EYS: variants seen among roughly 807,000 people sequenced by gnomAD.
The protein encoded by EYS is EGF-like photoreceptor maintenance factor, also known as protein eyes shut homolog.
EYS carries 250 observed loss-of-function variants against 282.1 expected under a neutral mutation model. That is an observed-to-expected ratio of 0.89 (90% CI 0.80 to 0.98). The LOEUF is 0.98. EYS is among the 50% of genes least tolerant of loss of function. The pLI is 0.00. For missense variants in EYS, 4,016 were observed against 3,709.0 expected (o/e 1.08, Z -2.15); for synonymous variants, 1,355 against 1,282.9 (o/e 1.06, Z -1.20).
At chr6:64,795,469 T>C (rs1774326959) in intron 22 of EYS, among the ~76,000 whole-genome samples, 1 of 152,196 alleles carries the variant, frequency 6.6e-6, no homozygotes, top group African/African-American at 2.4e-5. Flanking sequence ...TGTTTCTACA[T>C]ATCATGCCAC....
intron 1 of EYS, among the ~76,000 whole-genome samples, chr6:65,669,960 C>A (rs1198338857): frequency 6.6e-6 from 1 of 151,718 alleles, no homozygotes. Flanking sequence ...TATAGTTAGT[C>A]CTAATAAAAA....
At chr6:64,363,649 G>A (rs1377220517) in intron 29 of EYS, among the ~76,000 whole-genome samples, 2 of 151,786 alleles carry the variant, frequency 1.3e-5, no homozygotes, top group South Asian at 2.1e-4. Flanking sequence ...GTCAATACAC[G>A]TTTACTATTA....
chr6:64,449,651 T>A (rs1238853709), intron 26 of EYS, among the ~76,000 whole-genome samples: 1 of 152,016 alleles, frequency 6.6e-6, no homozygotes, highest in Non-Finnish European at 1.5e-5. Flanking sequence ...GACTAACAGC[T>A]GATCTCTCCA....
chr6:64,895,881 A>G (rs1659428115), intron 18 of EYS, among the ~76,000 whole-genome samples: 1 of 152,156 alleles, frequency 6.6e-6, no homozygotes, highest in African/African-American at 2.4e-5. Context: ...TTAAAAGGAA[A>G]TATAGGGAAA....
chr6:64,093,834 G>C (rs1030405720), intron 31 of EYS, among the ~76,000 whole-genome samples: 1 of 152,150 alleles, frequency 6.6e-6, no homozygotes, highest in Non-Finnish European at 1.5e-5. Context: ...TCTTGTGCCG[G>C]TTTTCAAAGG....
intron 28 of EYS, among the ~76,000 whole-genome samples, chr6:64,419,451 G>T (rs899774038): frequency 6.6e-6 from 1 of 152,116 alleles, no homozygotes; most frequent in Non-Finnish European, 1.5e-5. Context: ...GTCCCTCAAA[G>T]TCTTAGCTCA....
At chr6:64,051,835 A>G (rs1392356108) in intron 33 of EYS, among the ~76,000 whole-genome samples, 1 of 152,126 alleles carries the variant, frequency 6.6e-6, no homozygotes, top group African/African-American at 2.4e-5. Flanking sequence ...TTTATATATA[A>G]TAGGAAGTAA....
intron 8 of EYS, among the ~76,000 whole-genome samples, chr6:65,363,932 G>T (rs900348200): frequency 6.6e-6 from 1 of 151,280 alleles, no homozygotes; most frequent in African/African-American, 2.4e-5. Flanking sequence ...TCTTGCATTT[G>T]ATTTTCTCTA....
intron 5 of EYS, among the ~76,000 whole-genome samples, chr6:65,413,869 A>C (rs1767125649): frequency 6.6e-6 from 1 of 152,046 alleles, no homozygotes; most frequent in Non-Finnish European, 1.5e-5. Flanking sequence ...AAAAAAAGGA[A>C]TAATGTGAAC....
At chr6:65,325,831 T>A (rs1378882613) in intron 11 of EYS, among the ~76,000 whole-genome samples, 1 of 152,154 alleles carries the variant, frequency 6.6e-6, no homozygotes, top group Non-Finnish European at 1.5e-5. Context: ...CTTATTTCAA[T>A]CTTTCACTTG....
chr6:64,983,645 G>A (rs184830353), intron 14 of EYS, among the ~76,000 whole-genome samples: 228 of 151,474 alleles, frequency 1.5e-3, no homozygotes, highest in African/African-American at 5.2e-3. Context: ...TGTTGTACTA[G>A]TATGTGTTAA....
chr6:65,494,114 T>C (rs1306158723), intron 4 of EYS, among the ~76,000 whole-genome samples: 2 of 152,222 alleles, frequency 1.3e-5, no homozygotes, highest in East Asian at 3.9e-4. Flanking sequence ...AATATAGATA[T>C]TTCACTATTA....
intron 35 of EYS, among the ~76,000 whole-genome samples, chr6:63,882,769 A>T (rs1013552423): frequency 5.9e-5 from 9 of 152,216 alleles, no homozygotes; most frequent in Admixed American, 2.0e-4. Flanking sequence ...AATCCGAAAC[A>T]TAAAAAATGC....
chr6:65,405,761 A>G (rs11968993), intron 5 of EYS, among the ~76,000 whole-genome samples: 8,976 of 152,160 alleles, frequency 0.059, 399 homozygotes, highest in African/African-American at 0.12. Context: ...GTTGTATCAT[A>G]TATCAGTAGT....
intron 31 of EYS, among the ~76,000 whole-genome samples, chr6:64,162,933 G>C (rs1381289873): frequency 6.6e-6 from 1 of 152,042 alleles, no homozygotes; most frequent in Admixed American, 6.6e-5. Context: ...AATTCATTTA[G>C]AAAATGTTTA....
At chr6:63,842,559 C>T (rs1028903998) in intron 36 of EYS, among the ~76,000 whole-genome samples, 2 of 152,070 alleles carry the variant, frequency 1.3e-5, no homozygotes, top group South Asian at 4.1e-4. Flanking sequence ...CTGTATGTTG[C>T]CTGTTCACTC....
At position 65,532,017 on chromosome 6, in the gene EYS, A is replaced by G. The variant is rs993086152; in HGVS notation, c.-332-36024T>C. 3.9e-5 allele frequency among the ~76,000 whole-genome samples: 6 copies of G among 152,260 alleles called. No individual in the cohort carries two copies. The East Asian group carries it at 1.2e-3, about 29-fold the overall frequency. ...ACGTTAAAATTCTTATAATTATACT[A>G]GGCACTTATTAAACACTCTACATAT... On this transcript the variant is annotated intron_variant, in intron 2 of 42. Transcript: ENST00000503581.
At chr6:64,936,282 C>A (rs868472393) in intron 15 of EYS, among the ~76,000 whole-genome samples, 1 of 151,264 alleles carries the variant, frequency 6.6e-6, no homozygotes, top group South Asian at 2.1e-4. Context: ...AAACCAGAAA[C>A]AGGAGGGAAT....
At chr6:65,411,336 A>G (rs958686570) in intron 5 of EYS, among the ~76,000 whole-genome samples, 5 of 152,088 alleles carry the variant, frequency 3.3e-5, no homozygotes, top group Non-Finnish European at 5.9e-5. Context: ...AAAGTAATCC[A>G]TTGGGTAACA....
Sources: gnomAD v4.1 joint callset for allele counts (sites outside exome capture counted in the v4.1 genomes callset) on GRCh38, gnomAD v4.1.1 for gene constraint, MANE v1.5 for transcripts, NCBI Gene and HGNC (gene_info 2026-07-23, HGNC 2026-07-21) for gene names.